The following POLR1E variants were observed in gnomAD, a reference collection of about 807,000 sequenced individuals.
POLR1E encodes the protein DNA-directed RNA polymerase I subunit RPA49.
Under a neutral mutation model 50.9 loss-of-function variants are expected in POLR1E, and 37 were observed. The observed-to-expected ratio is 0.73, with a 90% confidence interval of 0.56 to 0.96. The LOEUF is 0.96. POLR1E is among the 40% of genes least tolerant of loss of function. POLR1E has a pLI of 0.00. For missense variants in POLR1E, 426 were observed against 518.1 expected (o/e 0.82, Z 1.73); for synonymous variants, 166 against 191.6 (o/e 0.87, Z 1.10).
chr9:37,486,329 C>A, intron 1 of POLR1E: 1 of 1,359,738 alleles, frequency 7.4e-7, no homozygotes, highest in Non-Finnish European at 9.8e-7. Context: ...TCCCACTCAC[C>A]CGCTCCCCAG....
chr9:37,502,683 G>C (rs1564326852), intron 11 of POLR1E, among the ~76,000 whole-genome samples: 3 of 152,118 alleles, frequency 2.0e-5, no homozygotes, highest in Non-Finnish European at 4.4e-5. Flanking sequence ...AGGCAGTGAG[G>C]CTGAAAAAAA....
chr9:37,499,253 C>T (rs543795099), intron 9 of POLR1E, among the ~76,000 whole-genome samples: 4 of 152,246 alleles, frequency 2.6e-5, no homozygotes, highest in Non-Finnish European at 5.9e-5. Context: ...CATACCAAGA[C>T]ACTGTCTCTA....
chr9:37,495,826 T>G, intron 7 of POLR1E, 64 bp from the exon 8 acceptor site: 81 of 1,161,344 alleles, frequency 7.0e-5, no homozygotes, highest in Non-Finnish European at 9.6e-5. Flanking sequence ...GCCACTGCTA[T>G]GAGATGACCT....
In POLR1E at chr9:37,501,820, G is replaced by C; in HGVS notation, c.1076G>C (p.Arg359Thr). 1 of 1,613,848 alleles carries C rather than the reference G, an allele frequency of 6.2e-7. No individual in the cohort carries two copies. The highest frequency in any genetic ancestry group is 8.5e-7 in the Non-Finnish European group (1 of 1,179,980). The change falls in exon 11 of 12, where the codon AGG (arginine) becomes ACG (threonine). Residue 359 changes from arginine to threonine, a missense_variant. Transcript: ENST00000377798. ...CAAATTGACCTGACAGTGTTACAGA[G>C]GGACTTGAAGCTCAGTGAGAAAAGG... is the stretch of plus-strand genomic sequence containing the variant. ...DFQIDLTVLQ[R>T]DLKLSEKRMM... is the part of the protein sequence containing the mutation.
In POLR1E at chr9:37,501,768, A is replaced by G; in HGVS notation, c.1024A>G (p.Ile342Val). 6.2e-7 allele frequency: 1 copy of G among 1,614,074 alleles called. No homozygotes were observed. Among genetic ancestry groups the G allele is most frequent in the Non-Finnish European group, 8.5e-7 (1 of 1,179,952 alleles). Reference protein sequence around the residue: ...MKAKITAYVIILALHIHDFQI... With the variant: ...MKAKITAYVIVLALHIHDFQI... ...GGCGAAGATTACTGCATATGTGATC[A>G]TACTTGCCTTGCACATACATGACTT... The change falls in exon 11 of 12, where the codon ATA becomes GTA. Residue 342 changes from isoleucine (I) to valine (V), a missense_variant. Transcript: ENST00000377798.
intron 4 of POLR1E, chr9:37,492,132 TA>T: frequency 2.0e-6 from 1 of 511,870 alleles, no homozygotes; most frequent in Non-Finnish European, 3.1e-6. Flanking sequence ...TAGATGACCT[TA>T]TCAGGGGTGA....
chr9:37,500,273 C>T (rs779831450), intron 9 of POLR1E, among the ~76,000 whole-genome samples: 3 of 151,982 alleles, frequency 2.0e-5, no homozygotes, highest in Non-Finnish European at 4.4e-5. Flanking sequence ...CAACCTCTGC[C>T]TCCTGGGTTC....
At chr9:37,490,460 A>G in intron 4 of POLR1E, 1 of 887,864 alleles carries the variant, frequency 1.1e-6, no homozygotes, top group Non-Finnish European at 1.9e-6. Context: ...CCAGCAGCTC[A>G]GGCTGCTTCC....
chr9:37,494,492 C>T (rs1218898250), intron 6 of POLR1E, among the ~76,000 whole-genome samples: 1 of 152,160 alleles, frequency 6.6e-6, no homozygotes, highest in Non-Finnish European at 1.5e-5. Flanking sequence ...GACTAGAGTG[C>T]AGTGGTGCAG....
intron 7 of POLR1E, 58 bp from the exon 8 acceptor site, chr9:37,495,832 G>T (rs1820774930): frequency 1.6e-6 from 2 of 1,235,554 alleles, no homozygotes; most frequent in South Asian, 1.2e-5. Flanking sequence ...GCTATGAGAT[G>T]ACCTAGCTAG....
Position 37,489,344 on chromosome 9 carries a change from C to G in POLR1E, c.287C>G (p.Ser96Cys). The change falls in exon 4 of 12, where the codon TCT (serine) becomes TGT (cysteine). Residue 96 changes from serine to cysteine, a missense_variant. Ser to Cys is a moderately radical substitution (Grantham distance 112). Transcript: ENST00000377798. ...TTTGTGGGAATTTTGAACAAGACCT[C>G]TGGCCAAATGGAAGTATATGATGCT... The part of the protein sequence containing the change: ...RHFVGILNKT[S>C]GQMEVYDAEL... The G allele has an allele frequency of 1.2e-6, 2 of 1,601,802 alleles. No homozygotes were observed. The highest frequency in any genetic ancestry group is 1.7e-6 in the Non-Finnish European group (2 of 1,177,042).
chr9:37,500,904 G>T lies in POLR1E; in HGVS notation c.951G>T (p.Leu317Phe). The part of the protein sequence containing the change: ...NTKLLKHFTC[L>F]TYNNGRLRNL... ...AACTGCTGAAGCACTTTACTTGCTT[G>T]ACCTACAACAATGGCAGGTCAGGGG... The change falls in exon 10 of 12, where the codon TTG becomes TTT. Residue 317 changes from leucine to phenylalanine, a missense_variant. Leu to Phe is a conservative substitution (Grantham distance 22). Coordinates refer to ENST00000377798, the MANE Select transcript of POLR1E (RefSeq NM_022490.4). 1 of 1,613,588 alleles carries T rather than the reference G, an allele frequency of 6.2e-7. No individual in the cohort carries two copies. The highest frequency in any genetic ancestry group is 1.1e-5 in the South Asian group (1 of 91,032).
rs767451399 is a variant in POLR1E at position 37,495,951 on chromosome 9, G to A, written c.717G>A (p.Thr239=). 13 of 1,614,060 alleles carry A rather than the reference G, an allele frequency of 8.1e-6. No individual in the cohort carries two copies. Among genetic ancestry groups the A allele is most frequent in the South Asian group, 5.5e-5 (5 of 91,078 alleles). ...CATCTGAAGCTTTCAGGAACGTCAC[G>A]TCAGAAGAAATACTGAAGATGATTG... The part of the protein sequence containing the change: ...QSPSEAFRNV[T]SEEILKMIEE... Residue 239 remains threonine, a synonymous_variant, in exon 8 of 12, where the codon ACG becomes ACA. Transcript: ENST00000377798.
Position 37,503,354 on chromosome 9 carries a change from G to A in POLR1E, c.*152G>A. 1 of 913,462 alleles carries A rather than the reference G, an allele frequency of 1.1e-6. No individual in the cohort carries two copies. Among genetic ancestry groups the A allele is most frequent in the Middle Eastern group, 3.6e-4 (1 of 2,812 alleles). 56.6% of individuals were successfully genotyped at this position (913,462 alleles called of 1,614,324 possible). The stretch of plus-strand genomic sequence containing the variant: ...GCACTTTGGGAGGCCGAGGCAGGAA[G>A]ATCATTGAGCTCAGGAGTTTGAAAC... On this transcript the variant is annotated 3_prime_UTR_variant, in exon 12 of 12. Transcript: ENST00000377798.
rs1564321641 is a variant in POLR1E at position 37,486,811 on chromosome 9, G to A, written c.180+5G>A. On this transcript the variant is annotated splice_donor_5th_base_variant and intron_variant, in intron 2 of 11. Transcript: ENST00000377798. Reference sequence around the variant, plus strand: ...AAGAGGAATCAACGGATCCTGGTAAGTGAAGCAGTTGCCAGCTGTCTCCAC... The same window carrying A: ...AAGAGGAATCAACGGATCCTGGTAAATGAAGCAGTTGCCAGCTGTCTCCAC... 6.2e-7 allele frequency: 1 copy of A among 1,605,008 alleles called. No homozygotes were observed. Among genetic ancestry groups the A allele is most frequent in the African/African-American group, 1.3e-5 (1 of 75,002 alleles).
intron 11 of POLR1E, among the ~76,000 whole-genome samples, chr9:37,502,837 C>T (rs1820913586): frequency 1.3e-5 from 2 of 152,178 alleles, no homozygotes; most frequent in Admixed American, 1.3e-4. Context: ...TTTTGAAGGG[C>T]ATTAAAATGA....
In POLR1E at chr9:37,492,785, T is replaced by C. The variant is rs1820708743; in HGVS notation, c.402+70T>C. ...TCTACACCTCGGGTTTCTCCATCAGTGAAATGAGCTTGTTGAACTCAAGGG... is the reference window on the plus strand; with the variant it reads ...TCTACACCTCGGGTTTCTCCATCAGCGAAATGAGCTTGTTGAACTCAAGGG... On this transcript the variant is annotated intron_variant, in intron 5 of 11. Transcript: ENST00000377798. The C allele has an allele frequency of 6.5e-6, 9 of 1,380,866 alleles. No homozygotes were observed. The South Asian group carries it at 1.1e-4, about 17-fold the overall frequency. The allele number at this position is 1,380,866 out of a possible 1,614,324, so 85.5% of individuals were successfully genotyped here. A position where few individuals can be genotyped will look rare whatever the true frequency, so the allele number is the denominator to read the frequency against.
chr9:37,501,776 C>T lies in POLR1E; in HGVS notation c.1032C>T (p.Ala344=). Residue 344 remains alanine, a synonymous_variant, in exon 11 of 12, where the codon GCC becomes GCT. Transcript: ENST00000377798. ...AKITAYVIIL[A]LHIHDFQIDL... Reference sequence around the variant, plus strand: ...TTACTGCATATGTGATCATACTTGCCTTGCACATACATGACTTCCAAATTG... The same window carrying T: ...TTACTGCATATGTGATCATACTTGCTTTGCACATACATGACTTCCAAATTG... 1 of 1,613,976 alleles carries T rather than the reference C, an allele frequency of 6.2e-7. No individual in the cohort carries two copies. The highest frequency in any genetic ancestry group is 8.5e-7 in the Non-Finnish European group (1 of 1,179,926).
intron 11 of POLR1E, among the ~76,000 whole-genome samples, chr9:37,502,793 T>A (rs1027155473): frequency 2.6e-5 from 4 of 152,216 alleles, no homozygotes; most frequent in Admixed American, 2.0e-4. Context: ...CACGGGGCTG[T>A]AGATACCCTG....
Sources: allele counts gnomAD v4.1 joint callset (sites outside exome capture counted in the v4.1 genomes callset), GRCh38; gene constraint gnomAD v4.1.1; transcripts MANE v1.5; gene names NCBI Gene and HGNC (gene_info 2026-07-23, HGNC 2026-07-21).